CFI: variants seen among roughly 807,000 people sequenced by gnomAD.
The protein encoded by CFI is C3B/C4B inactivator.
Under a neutral mutation model 78.8 loss-of-function variants are expected in CFI, and 66 were observed. The ratio of observed to expected loss-of-function variants is 0.84; its 90% CI spans 0.69 to 1.03. CFI has a LOEUF of 1.03. CFI is among the 50% of genes least tolerant of loss of function. CFI has a pLI of 0.00. For synonymous variants in CFI, 250 were observed against 232.6 expected (o/e 1.07, Z -0.68); for missense variants, 706 against 704.5 (o/e 1.00, Z -0.02).
chr4:109,795,052 GA>G (rs1731885399), intron 1 of CFI, among the ~76,000 whole-genome samples: 1 of 152,080 alleles, frequency 6.6e-6, no homozygotes, highest in Admixed American at 6.5e-5. Context: ...AGAAAAAATT[GA>G]AAGGATAAGA....
At chr4:109,757,897 C>A (rs1726525905) in intron 6 of CFI, 114 bp from the exon 7 acceptor site, 3 of 1,369,360 alleles carry the variant, frequency 2.2e-6, no homozygotes, top group Non-Finnish European at 3.0e-6. Context: ...TTTCTGTTTT[C>A]TTCGGTAATA....
intron 1 of CFI, among the ~76,000 whole-genome samples, chr4:109,769,368 A>G (rs540440905): frequency 1.3e-5 from 2 of 152,328 alleles, no homozygotes; most frequent in South Asian, 4.1e-4. Context: ...TCTGACCTTC[A>G]TGTCAGATGA....
rs758230830 is a variant in CFI at position 109,766,538 on chromosome 4, A to T, written c.328+16T>A. ...TTTTATATCATAGAATGACTTGAAA[A>T]CTAGTCTCTTGCTACCTTCGGCTGT... On this transcript the variant is annotated intron_variant, in intron 2 of 12. Transcript: ENST00000394634. The T allele has an allele frequency of 6.2e-7, 1 of 1,613,776 alleles. No individual in the cohort carries two copies. Among genetic ancestry groups the T allele is most frequent in the East Asian group, 2.2e-5 (1 of 44,894 alleles).
chr4:109,731,544 C>T, the CFI span, among the ~76,000 whole-genome samples: 1 of 152,162 alleles, frequency 6.6e-6, no homozygotes, highest in East Asian at 1.9e-4. Flanking sequence ...AATATGATCG[C>T]TCACATTCAG....
rs556737383 is a variant in CFI, at chr4:109,740,725, T to A, written c.*168A>T. On this transcript the variant is annotated 3_prime_UTR_variant, in exon 13 of 13. Coordinates refer to ENST00000394634, the MANE Select transcript of CFI (RefSeq NM_000204.5). ...TTCACCAAAATATTTATTTGAGAATTATACAACAAAATTCCAATATGGCAT... is the reference window on the plus strand; with the variant it reads ...TTCACCAAAATATTTATTTGAGAATAATACAACAAAATTCCAATATGGCAT... The A allele has an allele frequency of 2.8e-6, 2 of 715,828 alleles. No individual in the cohort carries two copies. The highest frequency in any genetic ancestry group is 4.8e-6 in the Non-Finnish European group (2 of 413,694). 44.3% of individuals were successfully genotyped at this position (715,828 alleles called of 1,614,324 possible).
chr4:109,777,643 C>T (rs1462610287), intron 1 of CFI, among the ~76,000 whole-genome samples: 4 of 152,174 alleles, frequency 2.6e-5, no homozygotes, highest in African/African-American at 7.2e-5. Flanking sequence ...TAATAGACAT[C>T]GACAGAACTC....
At chr4:109,783,900 T>G (rs1481408685) in intron 1 of CFI, among the ~76,000 whole-genome samples, 1 of 149,578 alleles carries the variant, frequency 6.7e-6, no homozygotes, top group Non-Finnish European at 1.5e-5. Context: ...TGGATGAGAT[T>G]GGAGACTATT....
chr4:109,774,446 G>A (rs1274595814), intron 1 of CFI, among the ~76,000 whole-genome samples: 2 of 152,158 alleles, frequency 1.3e-5, no homozygotes, highest in Non-Finnish European at 2.9e-5. Context: ...ATCATGGTCA[G>A]AGGAGATAGC....
intron 1 of CFI, among the ~76,000 whole-genome samples, chr4:109,795,959 T>C (rs1030085734): frequency 2.0e-5 from 3 of 152,068 alleles, no homozygotes; most frequent in Admixed American, 2.0e-4. Context: ...CCTGAAAACA[T>C]CTCAAATCTA....
downstream of CFI, among the ~76,000 whole-genome samples, chr4:109,739,239 A>G (rs1723561241): frequency 6.6e-6 from 1 of 152,152 alleles, no homozygotes; most frequent in African/African-American, 2.4e-5. Context: ...ATTTATGTGA[A>G]ACATATATGT....
At chr4:109,781,603 C>A (rs1413486453) in intron 1 of CFI, among the ~76,000 whole-genome samples, 2 of 152,082 alleles carry the variant, frequency 1.3e-5, no homozygotes, top group Non-Finnish European at 2.9e-5. Context: ...TGTACCTATC[C>A]TTTTGACACT....
At position 109,764,600 on chromosome 4, in the gene CFI, A is replaced by G. The variant is rs765780615; in HGVS notation, c.419T>C (p.Ile140Thr). ...CCTCATGCTCCAGCTGCTTTTGCATATGAACATTGTCTTATCTTGGTCCAC... is the reference window on the plus strand; with the variant it reads ...CCTCATGCTCCAGCTGCTTTTGCATGTGAACATTGTCTTATCTTGGTCCAC... ...KLVDQDKTMF[I>T]CKSSWSMREA... The change falls in exon 3 of 13, where the codon ATA (isoleucine) becomes ACA (threonine). Residue 140 changes from isoleucine to threonine, a missense_variant. By Grantham distance (89) the Ile-to-Thr change is moderately conservative (BLOSUM62 -1). Coordinates refer to ENST00000394634, the MANE Select transcript of CFI (RefSeq NM_000204.5). 2 of 1,614,190 alleles carry G rather than the reference A, an allele frequency of 1.2e-6. No individual in the cohort carries two copies. Among genetic ancestry groups the G allele is most frequent in the Admixed American group, 1.7e-5 (1 of 60,024 alleles).
At chr4:109,794,506 T>G (rs1189472846) in intron 1 of CFI, 1 of 152,198 alleles carries the variant, frequency 6.6e-6, no homozygotes, top group African/African-American at 2.4e-5. Context: ...AATTTCTATT[T>G]GTTGGCCAGT....
intron 8 of CFI, 29 bp from the exon 9 acceptor site, chr4:109,749,631 A>G (rs777402106): frequency 1.3e-5 from 18 of 1,431,972 alleles, no homozygotes; most frequent in Non-Finnish European, 1.7e-5. Flanking sequence ...TTACATCATT[A>G]TTATCTTGAA....
the CFI span, among the ~76,000 whole-genome samples, chr4:109,732,750 G>A: frequency 2.0e-5 from 3 of 151,604 alleles, no homozygotes; most frequent in African/African-American, 4.8e-5. Flanking sequence ...CCAGCTACTC[G>A]GGAGGCTGAG....
chr4:109,777,852 G>A (rs1018725108), intron 1 of CFI, among the ~76,000 whole-genome samples: 15 of 152,046 alleles, frequency 9.9e-5, no homozygotes, highest in African/African-American at 3.6e-4. Flanking sequence ...TCAACTACAC[G>A]GAAACTGAAC....
At chr4:109,756,939 AAGAAAGAAAGAAAG>A (rs1561297855) in intron 7 of CFI, among the ~76,000 whole-genome samples, 2 of 150,396 alleles carry the variant, frequency 1.3e-5, no homozygotes, top group Admixed American at 6.6e-5. Context: ...GAAAGAAAGA[AAGAAAGAAAGAAAG>A]AAAGAAAGAA....
At chr4:109,756,712 T>C (rs1204394807) in intron 7 of CFI, among the ~76,000 whole-genome samples, 1 of 150,856 alleles carries the variant, frequency 6.6e-6, no homozygotes. Flanking sequence ...ATACAAAAAT[T>C]AGCCAGGTGT....
chr4:109,774,439 A>G (rs1368808764), intron 1 of CFI, among the ~76,000 whole-genome samples: 2 of 152,124 alleles, frequency 1.3e-5, no homozygotes, highest in Non-Finnish European at 2.9e-5. Context: ...GTGATGTATC[A>G]TGGTCAGAGG....
Sources: gnomAD v4.1 joint callset for allele counts (sites outside exome capture counted in the v4.1 genomes callset) on GRCh38, gnomAD v4.1.1 for gene constraint, MANE v1.5 for transcripts, NCBI Gene and HGNC (gene_info 2026-07-23, HGNC 2026-07-21) for gene names.